Variants in OPCML observed in about 807,000 individuals in gnomAD.
The protein encoded by OPCML is opioid binding protein/cell adhesion molecule like, also known as opioid-binding protein/cell adhesion molecule.
Under a neutral mutation model 37.8 loss-of-function variants are expected in OPCML, and 13 were observed. That is an observed-to-expected ratio of 0.34 (90% CI 0.22 to 0.55). OPCML has a LOEUF of 0.55. Ranked by LOEUF, OPCML falls within the 20% of genes least tolerant of loss-of-function variation. OPCML has a pLI of 0.91. For missense variants in OPCML, 341 were observed against 435.6 expected, an observed-to-expected ratio of 0.78 and a Z score of 1.93; for synonymous variants, 176 against 168.8, an observed-to-expected ratio of 1.04 and a Z score of -0.33.
chr11:132,498,938 T>C (rs563115234), intron 4 of OPCML, among the ~76,000 whole-genome samples: 4 of 152,372 alleles, frequency 2.6e-5, no homozygotes, highest in African/African-American at 7.2e-5. Context: ...TGGTACGTGC[T>C]ACACAAATGG....
At chr11:133,226,399 C>T (rs570735178) in intron 1 of OPCML, among the ~76,000 whole-genome samples, 1 of 152,334 alleles carries the variant, frequency 6.6e-6, no homozygotes, top group South Asian at 2.1e-4. Flanking sequence ...CTTCTTTTTA[C>T]CCAGTCAAAT....
At chr11:132,992,667 T>C (rs1411638792) in intron 1 of OPCML, among the ~76,000 whole-genome samples, 1 of 152,096 alleles carries the variant, frequency 6.6e-6, no homozygotes, top group East Asian at 1.9e-4. Flanking sequence ...TAAGGGAGAA[T>C]AATGAATGGG....
chr11:133,342,595 G>T (rs1592217891), intron 1 of OPCML, among the ~76,000 whole-genome samples: 1 of 152,204 alleles, frequency 6.6e-6, no homozygotes, highest in South Asian at 2.1e-4. Context: ...CCGTGCGGAG[G>T]TTGGGTGGAA....
At chr11:133,309,687 A>T (rs1943021606) in intron 1 of OPCML, among the ~76,000 whole-genome samples, 1 of 152,254 alleles carries the variant, frequency 6.6e-6, no homozygotes, top group Admixed American at 6.5e-5. Context: ...GAATGTTGAC[A>T]TGAGGAGAAA....
chr11:133,127,811 A>G (rs1175846287), intron 1 of OPCML, among the ~76,000 whole-genome samples: 5 of 152,098 alleles, frequency 3.3e-5, no homozygotes, highest in Non-Finnish European at 7.4e-5. Context: ...AGGGGAATAT[A>G]AGGGACTATG....
At chr11:132,972,224 TTGG>T (rs1192323660) in intron 1 of OPCML, among the ~76,000 whole-genome samples, 2 of 152,202 alleles carry the variant, frequency 1.3e-5, no homozygotes, top group Non-Finnish European at 2.9e-5. Flanking sequence ...ACAGGAAGTC[TTGG>T]TGGCCCCAGT....
intron 2 of OPCML, among the ~76,000 whole-genome samples, chr11:132,743,445 G>C (rs919742108): frequency 1.3e-5 from 2 of 152,054 alleles, no homozygotes; most frequent in Non-Finnish European, 2.9e-5. Flanking sequence ...AAGGATTATG[G>C]GAAGGACATC....
Position 132,481,580 on chromosome 11 carries a change from C to T in OPCML, c.506-44221G>A, listed in dbSNP as rs1035543974. Among the ~76,000 whole-genome samples the T allele has an allele frequency of 6.0e-4, 91 of 151,380 alleles. 1 individual carries two copies. The Middle Eastern group carries it at 0.021, about 34-fold the overall frequency. ...TGCACCAAGTGGACCTAATAGACAT[C>T]TACAGAACTCTCCACCCCAAATCAA... On this transcript the variant is annotated intron_variant, in intron 4 of 7. Transcript: ENST00000524381.
At position 132,822,057 on chromosome 11, in the gene OPCML, CT is replaced by C. The variant is rs548436796; in HGVS notation, c.146+120868del. 3.6e-4 allele frequency among the ~76,000 whole-genome samples: 55 copies of C among 152,320 alleles called. No homozygotes were observed. The South Asian group carries it at 5.6e-3, about 15-fold the overall frequency. On this transcript the variant is annotated intron_variant, in intron 2 of 7. Transcript: ENST00000524381. ...TAAACAAAAGGAGTCTTGTCTCTTA[CT>C]TGCCTTCCCTTGCTTACTTTCTATC...
chr11:132,869,844 T>TCTGAGCACAGATGCACCTCTC (rs921869191), intron 2 of OPCML, among the ~76,000 whole-genome samples: 1 of 152,166 alleles, frequency 6.6e-6, no homozygotes, highest in East Asian at 1.9e-4. Flanking sequence ...TACTGGCAGG[T>TCTGAGCACAGATGCACCTCTC]CTGAGCACAG....
At chr11:133,351,830 A>C (rs1463454522) in intron 1 of OPCML, among the ~76,000 whole-genome samples, 3 of 152,126 alleles carry the variant, frequency 2.0e-5, no homozygotes, top group African/African-American at 4.8e-5. Flanking sequence ...CCACACAAAC[A>C]ACTTTCAACC....
At chr11:133,233,296 G>A (rs1449725428) in intron 1 of OPCML, among the ~76,000 whole-genome samples, 1 of 152,102 alleles carries the variant, frequency 6.6e-6, no homozygotes, top group African/African-American at 2.4e-5. Context: ...ATGCCACTTT[G>A]GCCTATTGAT....
chr11:132,922,124 C>T (rs1008887073), intron 2 of OPCML, among the ~76,000 whole-genome samples: 2 of 152,030 alleles, frequency 1.3e-5, no homozygotes, highest in African/African-American at 2.4e-5. Context: ...GTGATCCACC[C>T]GCCTCGGCCT....
chr11:133,162,176 C>G (rs896728684), intron 1 of OPCML, among the ~76,000 whole-genome samples: 1 of 152,012 alleles, frequency 6.6e-6, no homozygotes, highest in Non-Finnish European at 1.5e-5. Flanking sequence ...TGCAAATTGT[C>G]TACACTGCAG....
intron 4 of OPCML, among the ~76,000 whole-genome samples, chr11:132,489,681 A>ATTC (rs1427130837): frequency 2.0e-5 from 3 of 151,728 alleles, no homozygotes; most frequent in African/African-American, 2.4e-5. Flanking sequence ...TATTATTATT[A>ATTC]TTTTATTATA....
At chr11:132,521,062 T>C (rs1371957111) in intron 4 of OPCML, among the ~76,000 whole-genome samples, 1 of 152,176 alleles carries the variant, frequency 6.6e-6, no homozygotes, top group Non-Finnish European at 1.5e-5. Context: ...GAATTTTTAA[T>C]AATTGCCATT....
chr11:133,433,702 A>C (rs532811998), intron 1 of OPCML, among the ~76,000 whole-genome samples: 1 of 152,282 alleles, frequency 6.6e-6, no homozygotes, highest in East Asian at 1.9e-4. Context: ...ATCCAGAGAC[A>C]TCTTCAACCC....
chr11:133,069,448 G>A (rs1280024625), intron 1 of OPCML, among the ~76,000 whole-genome samples: 1 of 152,196 alleles, frequency 6.6e-6, no homozygotes, highest in African/African-American at 2.4e-5. Context: ...ATTCACAGAA[G>A]AGTTGCAGTT....
intron 1 of OPCML, among the ~76,000 whole-genome samples, chr11:133,495,067 TC>T (rs1947752444): frequency 6.6e-6 from 1 of 152,070 alleles, no homozygotes; most frequent in Non-Finnish European, 1.5e-5. Context: ...TGCCACTCTT[TC>T]CCCCAAGTCA....
Sources: gnomAD v4.1 joint callset for allele counts (sites outside exome capture counted in the v4.1 genomes callset) on GRCh38, gnomAD v4.1.1 for gene constraint, MANE v1.5 for transcripts, NCBI Gene and HGNC (gene_info 2026-07-23, HGNC 2026-07-21) for gene names.